The following PRKCH variants were observed in gnomAD, a reference collection of about 807,000 sequenced individuals.
PRKCH encodes protein kinase C eta.
PRKCH carries 28 observed loss-of-function variants against 82.5 expected under a neutral mutation model. The ratio of observed to expected loss-of-function variants is 0.34; its 90% CI spans 0.25 to 0.47. The LOEUF (loss-of-function observed/expected upper bound fraction) is 0.47. PRKCH is among the 20% of genes least tolerant of loss of function. The pLI is 1.00. For synonymous variants in PRKCH, 322 were observed against 327.4 expected (o/e 0.98, Z 0.18); for missense variants, 705 against 881.8 (o/e 0.80, Z 2.54).
At position 61,401,441 on chromosome 14, in the gene PRKCH, C is replaced by A. The variant is rs146316077; in HGVS notation, c.427+10153C>A. On this transcript the variant is annotated intron_variant, in intron 2 of 13. Transcript: ENST00000332981. ...AATTCATTCTCAAAGTGTGATCCTG[C>A]AGACTTCTGAGAGTTCCAGAGACAT... Among the ~76,000 whole-genome samples, 14 of 152,318 alleles carry A rather than the reference C, an allele frequency of 9.2e-5. No homozygotes were observed. In the East Asian group the frequency reaches 2.7e-3, roughly 29 times the overall value.
At position 61,547,848 on chromosome 14, in the gene PRKCH, A is replaced by C. The variant is rs1490412947; in HGVS notation, c.1867A>C (p.Asn623His). ...TAAGGAAATCGACTGGGCCCAGCTG[A>C]ACCATCGCCAAATAGAACCGCCTTT... ...FFKEIDWAQL[N>H]HRQIEPPFRP... The change falls in exon 13 of 14, where the codon AAC becomes CAC. Residue 623 changes from asparagine to histidine, a missense_variant. Asn to His is a moderately conservative substitution (Grantham distance 68, BLOSUM62 1). This residue lies in a region of PRKCH where 91 missense variants were observed against 81.2 expected (regional missense o/e 1.12). Coordinates refer to ENST00000332981, the MANE Select transcript of PRKCH (RefSeq NM_006255.5). 1 of 1,614,012 alleles carries C rather than the reference A, an allele frequency of 6.2e-7. No homozygotes were observed. The highest frequency in any genetic ancestry group is 8.5e-7 in the Non-Finnish European group (1 of 1,179,938).
At chr14:61,466,726 T>C (rs1035542530) in intron 9 of PRKCH, among the ~76,000 whole-genome samples, 7 of 152,062 alleles carry the variant, frequency 4.6e-5, no homozygotes, top group Non-Finnish European at 1.0e-4. Flanking sequence ...ATGCCTTAAG[T>C]TTGAGTTTAG....
chr14:61,353,661 TGGC>T, intron 1 of PRKCH: 1 of 152,366 alleles, frequency 6.6e-6, no homozygotes, highest in Non-Finnish European at 1.5e-5. Flanking sequence ...CTGGGCATGG[TGGC>T]TCATACCTGT....
intron 1 of PRKCH, among the ~76,000 whole-genome samples, chr14:61,290,661 G>A (rs569025783): frequency 2.6e-5 from 4 of 152,328 alleles, no homozygotes; most frequent in Middle Eastern, 3.4e-3. Context: ...GTGGTTTAAA[G>A]AGTTTGAAAC....
At chr14:61,248,617 A>T (rs1344383204) in intron 1 of PRKCH, among the ~76,000 whole-genome samples, 1 of 152,214 alleles carries the variant, frequency 6.6e-6, no homozygotes. Context: ...CCTCTTGAAG[A>T]GTGTCCAGTA....
chr14:61,313,454 G>T (rs1398159933), intron 1 of PRKCH, among the ~76,000 whole-genome samples: 1 of 152,060 alleles, frequency 6.6e-6, no homozygotes, highest in African/African-American at 2.4e-5. Context: ...CAGAATTAAA[G>T]AATTTTAAAC....
intron 9 of PRKCH, among the ~76,000 whole-genome samples, chr14:61,474,419 C>A (rs1461826732): frequency 6.6e-6 from 1 of 152,174 alleles, no homozygotes; most frequent in Non-Finnish European, 1.5e-5. Flanking sequence ...CTGCAACTTT[C>A]TTCCTTAATT....
At chr14:61,210,901 G>A (rs2044573639) in intron 1 of PRKCH, among the ~76,000 whole-genome samples, 1 of 152,020 alleles carries the variant, frequency 6.6e-6, no homozygotes. Flanking sequence ...TTGCATATAG[G>A]GATTAGACCA....
intron 1 of PRKCH, among the ~76,000 whole-genome samples, chr14:61,334,328 C>T (rs56335583): frequency 0.041 from 6,203 of 152,172 alleles, 187 homozygotes; most frequent in Non-Finnish European, 0.064. Context: ...CAGGCAAACG[C>T]ACGATGAAGA....
At chr14:61,495,040 A>G (rs1264382449) in intron 10 of PRKCH, among the ~76,000 whole-genome samples, 1 of 152,232 alleles carries the variant, frequency 6.6e-6, no homozygotes, top group Non-Finnish European at 1.5e-5. Context: ...TCTAATGTTT[A>G]GGGGAAGCAG....
At chr14:61,277,294 G>A (rs1270053294) in intron 1 of PRKCH, 12 of 152,122 alleles carry the variant, frequency 7.9e-5, no homozygotes, top group Admixed American at 7.9e-4. Flanking sequence ...TCATATTATT[G>A]TTTTAATTTT....
At chr14:61,393,755 C>T (rs2046724238) in intron 2 of PRKCH, among the ~76,000 whole-genome samples, 1 of 152,172 alleles carries the variant, frequency 6.6e-6, no homozygotes, top group Non-Finnish European at 1.5e-5. Flanking sequence ...TGAATTTTGT[C>T]AATTCTGCCT....
At chr14:61,231,127 C>CGGA (rs2044739717) in intron 1 of PRKCH, among the ~76,000 whole-genome samples, 1 of 152,200 alleles carries the variant, frequency 6.6e-6, no homozygotes, top group Non-Finnish European at 1.5e-5. Context: ...TGGATGAGAT[C>CGGA]TCTCCAACAC....
chr14:61,549,929 C>T lies in PRKCH; in HGVS notation c.*98C>T. ...GACCTTCCCAGCATCAGCCTTAGAACAAGAACCTTACCTTCAAGGAGCAAG... is the reference window on the plus strand; with the variant it reads ...GACCTTCCCAGCATCAGCCTTAGAATAAGAACCTTACCTTCAAGGAGCAAG... On this transcript the variant is annotated 3_prime_UTR_variant, in exon 14 of 14. Transcript: ENST00000332981. 1 of 1,339,190 alleles carries T rather than the reference C, an allele frequency of 7.5e-7. No individual in the cohort carries two copies. Among genetic ancestry groups the T allele is most frequent in the South Asian group, 1.4e-5 (1 of 70,762 alleles). 83.0% of individuals were successfully genotyped at this position (1,339,190 alleles called of 1,614,324 possible).
At chr14:61,529,333 G>T in intron 11 of PRKCH, 120 bp downstream of exon 11, 1 of 1,245,216 alleles carries the variant, frequency 8.0e-7, no homozygotes, top group South Asian at 1.6e-5. Context: ...GGTGTCTAGA[G>T]CCGACACCTC....
chr14:61,391,521 A>G (rs1472581879), intron 2 of PRKCH, among the ~76,000 whole-genome samples: 2 of 152,120 alleles, frequency 1.3e-5, no homozygotes, highest in East Asian at 1.9e-4. Context: ...AACACACTCA[A>G]TGAGTTTTTG....
chr14:61,222,878 T>C (rs1377860106), intron 1 of PRKCH, among the ~76,000 whole-genome samples: 1 of 152,234 alleles, frequency 6.6e-6, no homozygotes, highest in Non-Finnish European at 1.5e-5. Flanking sequence ...GAGCTATTTC[T>C]GTTTCCACAT....
At chr14:61,455,003 G>A (rs2140292377) in intron 7 of PRKCH, among the ~76,000 whole-genome samples, 1 of 151,898 alleles carries the variant, frequency 6.6e-6, no homozygotes, top group East Asian at 1.9e-4. Context: ...AAGGACTCCT[G>A]CCTAGTAGAT....
intron 1 of PRKCH, among the ~76,000 whole-genome samples, chr14:61,247,717 C>T (rs1273887536): frequency 9.6e-6 from 1 of 104,508 alleles, no homozygotes; most frequent in Non-Finnish European, 1.7e-5. Flanking sequence ...GCTTGAGAGA[C>T]AGAGTGAGAC....
Sources: gnomAD v4.1 joint callset for allele counts (sites outside exome capture counted in the v4.1 genomes callset) on GRCh38, gnomAD v4.1.1 for gene constraint, gnomAD v4.1.1 regional missense constraint, MANE v1.5 for transcripts, NCBI Gene and HGNC (gene_info 2026-07-23, HGNC 2026-07-21) for gene names.